Variants in BACH2 observed in about 807,000 individuals in gnomAD.
The protein encoded by BACH2 is BACH transcriptional regulator 2.
Under a neutral mutation model 61.8 loss-of-function variants are expected in BACH2, and 5 were observed. That is an observed-to-expected ratio of 0.08 (90% confidence interval 0.04 to 0.17). BACH2 has a LOEUF of 0.17. BACH2 is among the 10% of genes least tolerant of loss of function. The pLI is 1.00. For missense variants in BACH2, 824 were observed against 1,091.1 expected (o/e 0.76, Z 3.45); for synonymous variants, 446 against 440.1 (o/e 1.01, Z -0.17).
Position 89,938,788 on chromosome 6 carries a change from G to A in BACH2, c.1837-438C>T, listed in dbSNP as rs577416856. Reference sequence around the variant, plus strand: ...GAGCCCCATGTATCCTGAAAATGCTGGAGACACAAAAAACCCAGTGTGATT... The same window carrying A: ...GAGCCCCATGTATCCTGAAAATGCTAGAGACACAAAAAACCCAGTGTGATT... On this transcript the variant is annotated intron_variant, in intron 7 of 8. Coordinates refer to ENST00000257749, the MANE Select transcript of BACH2 (RefSeq NM_021813.4). Among the ~76,000 whole-genome samples the A allele has an allele frequency of 8.5e-5, 13 of 152,262 alleles. No individual in the cohort carries two copies. In the South Asian group the frequency reaches 2.7e-3, roughly 32 times the overall value.
chr6:90,291,509 A>C (rs1268652757), intron 1 of BACH2, among the ~76,000 whole-genome samples: 2 of 151,874 alleles, frequency 1.3e-5, no homozygotes, highest in African/African-American at 4.8e-5. Flanking sequence ...AAATTAACAA[A>C]AAAAAAAGTA....
intron 7 of BACH2, among the ~76,000 whole-genome samples, chr6:89,939,452 T>C (rs957133842): frequency 6.6e-6 from 1 of 152,188 alleles, no homozygotes. Context: ...GTGATTACTA[T>C]TGTTTTAGGT....
intron 6 of BACH2, among the ~76,000 whole-genome samples, chr6:89,959,097 G>GCACACACACACACA (rs60175244): frequency 8.3e-4 from 111 of 134,474 alleles, no homozygotes; most frequent in East Asian, 5.4e-3. Flanking sequence ...ATGCACAAGT[G>GCACACACACACACA]CACACACACA....
intron 3 of BACH2, among the ~76,000 whole-genome samples, chr6:90,213,799 A>T (rs140958158): frequency 9.7e-4 from 147 of 152,314 alleles, no homozygotes; most frequent in African/African-American, 3.4e-3. Context: ...GCCAAATTTA[A>T]TTATAATGTT....
In BACH2 at chr6:89,950,381, C is replaced by T; in HGVS notation, c.1725G>A (p.Val575=). 6.2e-7 allele frequency: 1 copy of T among 1,614,158 alleles called. No individual in the cohort carries two copies. Among genetic ancestry groups the T allele is most frequent in the Non-Finnish European group, 8.5e-7 (1 of 1,180,036 alleles). ...ACTGCTCACATTTAATTTGGGGCCG[C>T]ACTTGGTTGTACATTCCATCTCCCA... The part of the protein sequence containing the change: ...GLMGDGMYNQ[V]RPQIKCEQSY... The change falls in exon 7 of 9, where the codon GTG becomes GTA. Residue 575 remains valine, a synonymous_variant. Coordinates refer to ENST00000257749, the MANE Select transcript of BACH2 (RefSeq NM_021813.4). The surrounding 1 kb of genome is among the most constrained non-coding windows in gnomAD (Gnocchi z 5.3).
At chr6:90,208,579 A>G (rs985525440) in intron 3 of BACH2, among the ~76,000 whole-genome samples, 3 of 152,252 alleles carry the variant, frequency 2.0e-5, no homozygotes, top group African/African-American at 7.2e-5. Flanking sequence ...ATGTGGAGAA[A>G]CAGGAACACT....
At chr6:89,954,703 G>A (rs551579659) in intron 6 of BACH2, among the ~76,000 whole-genome samples, 5 of 151,974 alleles carry the variant, frequency 3.3e-5, no homozygotes, top group African/African-American at 1.2e-4. Flanking sequence ...CTCCGCTCAG[G>A]GACGAGCTGA....
chr6:90,181,470 T>C (rs923154037), intron 4 of BACH2, among the ~76,000 whole-genome samples: 2 of 152,070 alleles, frequency 1.3e-5, no homozygotes, highest in African/African-American at 4.8e-5. Context: ...TTGTTTTTTT[T>C]TTAAAAATGG....
At chr6:90,093,201 G>C (rs2127808897) in intron 4 of BACH2, among the ~76,000 whole-genome samples, 1 of 152,302 alleles carries the variant, frequency 6.6e-6, no homozygotes, top group Non-Finnish European at 1.5e-5. Context: ...GTATATACCA[G>C]CTGTCAGTCT....
intron 4 of BACH2, among the ~76,000 whole-genome samples, chr6:90,145,773 A>G (rs976776266): frequency 6.6e-5 from 10 of 152,208 alleles, no homozygotes; most frequent in Non-Finnish European, 1.3e-4. Context: ...CACTACAAAG[A>G]GTAGGATATC....
intron 4 of BACH2, among the ~76,000 whole-genome samples, chr6:90,158,500 G>A (rs1785070151): frequency 1.3e-5 from 2 of 152,114 alleles, no homozygotes; most frequent in African/African-American, 4.8e-5. Context: ...AACTGATTGG[G>A]ACAGGAAGAA....
At chr6:89,940,953 C>T (rs1378898363) in intron 7 of BACH2, among the ~76,000 whole-genome samples, 8 of 151,786 alleles carry the variant, frequency 5.3e-5, no homozygotes, top group African/African-American at 1.5e-4. Context: ...TCAACAGCCA[C>T]GTGCAGCATG....
chr6:90,171,148 C>T (rs1049131976), intron 4 of BACH2, among the ~76,000 whole-genome samples: 4 of 151,990 alleles, frequency 2.6e-5, no homozygotes, highest in East Asian at 3.9e-4. Flanking sequence ...CAGTGGCTCA[C>T]GCCTGTAATC....
chr6:90,116,861 T>C (rs531931784), intron 4 of BACH2: 3 of 626,416 alleles, frequency 4.8e-6, no homozygotes, highest in South Asian at 3.3e-5. Flanking sequence ...CGCTTTGATA[T>C]TTGATAGATG....
intron 2 of BACH2, among the ~76,000 whole-genome samples, chr6:90,260,687 G>A (rs372070559): frequency 3.4e-4 from 52 of 152,250 alleles, no homozygotes; most frequent in East Asian, 1.9e-3. Context: ...TACACATTTC[G>A]ACCAAATTCT....
At chr6:90,240,439 G>A (rs1040032288) in intron 3 of BACH2, among the ~76,000 whole-genome samples, 1 of 152,106 alleles carries the variant, frequency 6.6e-6, no homozygotes. Flanking sequence ...AAAATACTTT[G>A]CTTTGGTCTA....
intron 6 of BACH2, among the ~76,000 whole-genome samples, chr6:89,989,920 T>C (rs1415434989): frequency 1.3e-5 from 2 of 152,160 alleles, no homozygotes; most frequent in Non-Finnish European, 2.9e-5. Flanking sequence ...GTGTCCCTCA[T>C]GGACTCATGC....
At chr6:90,143,880 T>C (rs1224806324) in intron 4 of BACH2, among the ~76,000 whole-genome samples, 1 of 152,172 alleles carries the variant, frequency 6.6e-6, no homozygotes, top group Non-Finnish European at 1.5e-5. Flanking sequence ...TCAACACTCA[T>C]AATCATGAAC....
chr6:90,219,046 CAGTGG>C, intron 3 of BACH2, among the ~76,000 whole-genome samples: 1 of 151,756 alleles, frequency 6.6e-6, no homozygotes, highest in Non-Finnish European at 1.5e-5. Flanking sequence ...CAGTAGACTT[CAGTGG>C]AGTGAAGGCT....
Sources: gnomAD v4.1 joint callset for allele counts (sites outside exome capture counted in the v4.1 genomes callset) on GRCh38, gnomAD v4.1.1 for gene constraint, Gnocchi (gnomAD v3.1) non-coding constraint, MANE v1.5 for transcripts, NCBI Gene and HGNC (gene_info 2026-07-23, HGNC 2026-07-21) for gene names.